The following GATAD2A variants were observed in gnomAD, a reference collection of about 807,000 sequenced individuals.
GATAD2A encodes the protein GATA zinc finger domain containing 2A.
In GATAD2A, 12 loss-of-function variants were observed where a neutral mutation model predicts 68.5. The observed-to-expected ratio is 0.18, with a 90% confidence interval of 0.11 to 0.28. The LOEUF is 0.28. Ranked by LOEUF, GATAD2A falls within the 10% of genes least tolerant of loss-of-function variation. The probability of loss-of-function intolerance (pLI) is 1.00; values close to 1 mark genes in which losing one functional copy is unlikely to be tolerated. For missense variants in GATAD2A, 755 were observed against 868.5 expected (o/e 0.87, Z 1.64); for synonymous variants, 410 against 375.3 (o/e 1.09, Z -1.07).
intron 2 of GATAD2A, among the ~76,000 whole-genome samples, chr19:19,481,822 G>A (rs1402109794): frequency 6.6e-6 from 1 of 152,216 alleles, no homozygotes; most frequent in African/African-American, 2.4e-5. Context: ...AAATGACATA[G>A]TGGGGCTCAG....
At chr19:19,396,545 T>G (rs2049255610) in intron 1 of GATAD2A, among the ~76,000 whole-genome samples, 1 of 152,094 alleles carries the variant, frequency 6.6e-6, no homozygotes, top group Non-Finnish European at 1.5e-5. Context: ...CTTACTGTAC[T>G]CTCCATATGG....
At chr19:19,427,263 C>G (rs1018751071) in intron 1 of GATAD2A, among the ~76,000 whole-genome samples, 1 of 152,100 alleles carries the variant, frequency 6.6e-6, no homozygotes, top group Non-Finnish European at 1.5e-5. Context: ...ACTGTGAACT[C>G]AAAATGGTTA....
intron 1 of GATAD2A, chr19:19,436,000 C>A: frequency 2.5e-6 from 1 of 393,346 alleles, no homozygotes; most frequent in South Asian, 2.0e-5. Flanking sequence ...TGGAAGGTAG[C>A]TGAGGCAAAA....
At chr19:19,426,904 G>A (rs185244069) in intron 1 of GATAD2A, among the ~76,000 whole-genome samples, 1 of 152,338 alleles carries the variant, frequency 6.6e-6, no homozygotes. Flanking sequence ...GAGCTGGGGA[G>A]CAGAGTTTCA....
At chr19:19,438,403 C>G (rs569081485) in intron 1 of GATAD2A, among the ~76,000 whole-genome samples, 1 of 152,308 alleles carries the variant, frequency 6.6e-6, no homozygotes, top group East Asian at 1.9e-4. Flanking sequence ...CCACTGTGCC[C>G]AGCTTGAGCT....
intron 2 of GATAD2A, among the ~76,000 whole-genome samples, chr19:19,471,696 A>G (rs1275397780): frequency 6.6e-6 from 1 of 152,270 alleles, no homozygotes; most frequent in Non-Finnish European, 1.5e-5. Flanking sequence ...TTAAAAATAA[A>G]TAATTAAATG....
intron 1 of GATAD2A, among the ~76,000 whole-genome samples, chr19:19,390,666 T>A (rs150874328): frequency 1.3e-5 from 2 of 152,218 alleles, no homozygotes; most frequent in Middle Eastern, 3.4e-3. Context: ...ACAGGCAAGA[T>A]AGAAGATTAT....
intron 2 of GATAD2A, among the ~76,000 whole-genome samples, chr19:19,472,085 A>T (rs1295739052): frequency 6.6e-6 from 1 of 152,086 alleles, no homozygotes; most frequent in Non-Finnish European, 1.5e-5. Flanking sequence ...TTTTGTAGAG[A>T]TGGGGTTTAT....
At chr19:19,422,696 C>G (rs1358166536) in intron 1 of GATAD2A, among the ~76,000 whole-genome samples, 1 of 151,214 alleles carries the variant, frequency 6.6e-6, no homozygotes, top group Non-Finnish European at 1.5e-5. Flanking sequence ...TTGCATTTCT[C>G]TATTCTTTTT....
At chr19:19,421,096 G>A (rs2052365522) in intron 1 of GATAD2A, among the ~76,000 whole-genome samples, 2 of 152,184 alleles carry the variant, frequency 1.3e-5, no homozygotes, top group Admixed American at 6.5e-5. Flanking sequence ...AATGCCCGAC[G>A]GACAATGGGG....
At chr19:19,401,974 G>C (rs2049792735), upstream of GATAD2A, 1 of 152,210 alleles carries the variant, frequency 6.6e-6, no homozygotes, top group Admixed American at 6.5e-5. Context: ...TTTTGCTGTA[G>C]TTAAGGTAGA....
chr19:19,474,238 T>C, intron 2 of GATAD2A: 5 of 863,048 alleles, frequency 5.8e-6, no homozygotes, highest in Non-Finnish European at 7.0e-6. Context: ...ACACTGGAAT[T>C]GCCCCCAACC....
intron 1 of GATAD2A, among the ~76,000 whole-genome samples, chr19:19,421,469 C>T (rs1026933752): frequency 1.3e-5 from 2 of 152,162 alleles, no homozygotes; most frequent in Non-Finnish European, 2.9e-5. Flanking sequence ...GCTTCAGTGA[C>T]ACTTTGTGGT....
At chr19:19,464,944 G>A (rs1406818964) in intron 1 of GATAD2A, 1 of 291,924 alleles carries the variant, frequency 3.4e-6, no homozygotes, top group Non-Finnish European at 6.6e-6. Flanking sequence ...TCCAGACATT[G>A]CAGGTGCTGA....
intron 1 of GATAD2A, among the ~76,000 whole-genome samples, chr19:19,437,573 C>T (rs1277314614): frequency 6.6e-6 from 1 of 152,192 alleles, no homozygotes; most frequent in Non-Finnish European, 1.5e-5. Flanking sequence ...ACAGCATACT[C>T]ATTAGCAGTC....
Position 19,431,050 on chromosome 19 carries a change from T to C in GATAD2A, c.-7+25031T>C, listed in dbSNP as rs566310612. On this transcript the variant is annotated intron_variant, in intron 1 of 11. Coordinates refer to ENST00000683918, the MANE Select transcript of GATAD2A (RefSeq NM_001384528.1). ...CAGGTGCAAGGTCAAAGCCAAACCATAATGATTTATCAAGGGAGCGGAAGA... is the reference window on the plus strand; with the variant it reads ...CAGGTGCAAGGTCAAAGCCAAACCACAATGATTTATCAAGGGAGCGGAAGA... 4.7e-5 allele frequency among the ~76,000 whole-genome samples: 7 copies of C among 148,990 alleles called. No homozygotes were observed. The South Asian group carries it at 1.3e-3, about 27-fold the overall frequency.
chr19:19,479,564 A>G (rs1414163034), intron 2 of GATAD2A, among the ~76,000 whole-genome samples: 1 of 152,188 alleles, frequency 6.6e-6, no homozygotes, highest in Non-Finnish European at 1.5e-5. Context: ...GCAGAGGTCA[A>G]GTGTTCTGTA....
At chr19:19,433,962 G>A (rs971985301) in intron 1 of GATAD2A, among the ~76,000 whole-genome samples, 3 of 152,148 alleles carry the variant, frequency 2.0e-5, no homozygotes, top group African/African-American at 7.2e-5. Context: ...TTGTAGAGAT[G>A]GGGTTTTGCC....
chr19:19,506,234 C>T lies in GATAD2A; in HGVS notation c.*760C>T. The T allele has an allele frequency of 2.5e-6, 1 of 398,634 alleles. No homozygotes were observed. Among genetic ancestry groups the T allele is most frequent in the Non-Finnish European group, 4.4e-6 (1 of 225,946 alleles). The allele number at this position is 398,634 out of a possible 1,614,324, so 24.7% of individuals were successfully genotyped here. A position where few individuals can be genotyped will look rare whatever the true frequency, so the allele number is the denominator to read the frequency against. On this transcript the variant is annotated 3_prime_UTR_variant, in exon 12 of 12. Coordinates refer to ENST00000683918, the MANE Select transcript of GATAD2A (RefSeq NM_001384528.1). ...TGGAGACCCCCGCCCCCGCACCTTC[C>T]AGACTTAGCAGAAGAACAAACTGAA...
Sources: gnomAD v4.1 joint callset for allele counts (sites outside exome capture counted in the v4.1 genomes callset) on GRCh38, gnomAD v4.1.1 for gene constraint, MANE v1.5 for transcripts, NCBI Gene and HGNC (gene_info 2026-07-23, HGNC 2026-07-21) for gene names.